Variants in DRG1 observed in about 807,000 individuals in gnomAD.
DRG1 encodes the protein developmentally regulated GTP binding protein 1, also known as developmentally-regulated GTP-binding protein 1.
Under a neutral mutation model 38.8 loss-of-function variants are expected in DRG1, and 19 were observed. The ratio of observed to expected loss-of-function variants is 0.49; its 90% CI spans 0.34 to 0.72. The LOEUF (loss-of-function observed/expected upper bound fraction) is 0.72, where lower values mean the gene tolerates loss of function less well. Ranked by LOEUF, DRG1 falls within the 30% of genes least tolerant of loss-of-function variation. The probability of loss-of-function intolerance (pLI) is 0.01; values close to 1 mark genes in which losing one functional copy is unlikely to be tolerated. For missense variants in DRG1, 299 were observed against 444.8 expected (o/e 0.67, Z 2.95); for synonymous variants, 167 against 157.5 (o/e 1.06, Z -0.45).
At chr22:31,399,847 C>T in intron 1 of DRG1, 122 bp downstream of exon 1, 1 of 1,452,176 alleles carries the variant, frequency 6.9e-7, no homozygotes, top group South Asian at 1.2e-5. Flanking sequence ...CTTCTCTCAG[C>T]GAGGCCCGTG....
At chr22:31,402,817 A>T (rs1405826540) in intron 2 of DRG1, among the ~76,000 whole-genome samples, 1 of 152,060 alleles carries the variant, frequency 6.6e-6, no homozygotes, top group Non-Finnish European at 1.5e-5. Flanking sequence ...ACTTTTTTGA[A>T]TACAGTTTTT....
rs755124454 is a variant in DRG1 at position 31,411,190 on chromosome 22, T to A, written c.412+109T>A. 222 of 1,147,716 alleles carry A rather than the reference T, an allele frequency of 1.9e-4. No individual in the cohort carries two copies. In the Middle Eastern group the frequency reaches 2.5e-3, roughly 13 times the overall value. 71.1% of individuals were successfully genotyped at this position (1,147,716 alleles called of 1,614,324 possible). A position where few individuals can be genotyped will look rare whatever the true frequency, so the allele number is the denominator to read the frequency against. ...GATTATACCACAGTGAAGGGCATAG[T>A]TTCACCTGACTTCTCATTTAAGTTG... On this transcript the variant is annotated intron_variant, in intron 4 of 8. Transcript: ENST00000331457.
Position 31,434,139 on chromosome 22 carries a change from G to A in DRG1, c.*168G>A. Reference sequence around the variant, plus strand: ...ATTTGTCTTACCTTGGTGTCACCTTGTATGTCGAACTGCATAAAAGATCTG... The same window carrying A: ...ATTTGTCTTACCTTGGTGTCACCTTATATGTCGAACTGCATAAAAGATCTG... On this transcript the variant is annotated 3_prime_UTR_variant, in exon 9 of 9. Transcript: ENST00000331457. 4 of 591,346 alleles carry A rather than the reference G, an allele frequency of 6.8e-6. No homozygotes were observed. The highest frequency in any genetic ancestry group is 5.8e-5 in the South Asian group (3 of 51,804). The allele number at this position is 591,346 out of a possible 1,614,324, so 36.6% of individuals were successfully genotyped here.
chr22:31,433,460 G>A (rs867540258), intron 8 of DRG1, among the ~76,000 whole-genome samples: 14 of 152,012 alleles, frequency 9.2e-5, no homozygotes, highest in African/African-American at 2.4e-4. Flanking sequence ...TAGTGGAGAC[G>A]GGGTTTCACC....
At chr22:31,402,372 TTTAA>T (rs1463462882) in intron 2 of DRG1, among the ~76,000 whole-genome samples, 2 of 152,144 alleles carry the variant, frequency 1.3e-5, no homozygotes, top group African/African-American at 2.4e-5. Flanking sequence ...CAAAACTCTT[TTTAA>T]TTAATTAATT....
At chr22:31,418,172 A>G (rs1461577890) in intron 4 of DRG1, among the ~76,000 whole-genome samples, 2 of 148,194 alleles carry the variant, frequency 1.3e-5, no homozygotes, top group East Asian at 4.1e-4. Flanking sequence ...GTCAGGTGCA[A>G]TGGCTCATAC....
intron 8 of DRG1, among the ~76,000 whole-genome samples, chr22:31,432,838 C>G (rs1031417876): frequency 1.3e-5 from 2 of 152,148 alleles, no homozygotes; most frequent in Non-Finnish European, 2.9e-5. Context: ...GAATTAGAGG[C>G]ATGAGCCACC....
chr22:31,426,574 C>T (rs1400549291), intron 6 of DRG1, 41 bp from the exon 7 acceptor site: 8 of 1,554,952 alleles, frequency 5.1e-6, no homozygotes, highest in Non-Finnish European at 6.1e-6. Flanking sequence ...GTTCTGTCAA[C>T]AACTCCAGAC....
At chr22:31,416,101 G>A (rs138380433) in intron 4 of DRG1, among the ~76,000 whole-genome samples, 30 of 152,136 alleles carry the variant, frequency 2.0e-4, no homozygotes, top group Middle Eastern at 6.8e-3. Context: ...TTGAGGCCAG[G>A]AGTTCCAGAC....
chr22:31,413,165 C>T (rs557013361), intron 4 of DRG1, among the ~76,000 whole-genome samples: 8 of 151,854 alleles, frequency 5.3e-5, no homozygotes, highest in African/African-American at 1.9e-4. Flanking sequence ...CCTGATTGTA[C>T]GTAGCTCACC....
In DRG1 at chr22:31,423,266, C is replaced by T. The variant is rs1393228225; in HGVS notation, c.583-14C>T. On this transcript the variant is annotated splice_polypyrimidine_tract_variant and intron_variant, in intron 5 of 8. Transcript: ENST00000331457. ...AAATTTTGTGCTGACTAGTCATCTG[C>T]TATTCCCTTTCAGTGCCCCCAGAGT... 1 of 1,613,516 alleles carries T rather than the reference C, an allele frequency of 6.2e-7. No individual in the cohort carries two copies. The highest frequency in any genetic ancestry group is 8.5e-7 in the Non-Finnish European group (1 of 1,179,950).
intron 3 of DRG1, among the ~76,000 whole-genome samples, chr22:31,409,952 G>A (rs1360354352): frequency 6.6e-6 from 1 of 152,034 alleles, no homozygotes. Context: ...CCGAGATCAC[G>A]CCACTGCATT....
chr22:31,405,211 C>A (rs577299164), intron 3 of DRG1, among the ~76,000 whole-genome samples: 1 of 151,682 alleles, frequency 6.6e-6, no homozygotes, highest in South Asian at 2.1e-4. Context: ...CTGTGTCACC[C>A]AGGCTGGAGT....
At chr22:31,426,813 A>G (rs1326451068) in intron 7 of DRG1, 31 bp downstream of exon 7, 2 of 1,606,666 alleles carry the variant, frequency 1.2e-6, no homozygotes, top group Non-Finnish European at 1.7e-6. Context: ...TAATGTTGCT[A>G]TAGGAATTAA....
At chr22:31,423,437 C>T (rs757163178) in intron 6 of DRG1, 27 bp downstream of exon 6, 2 of 1,612,996 alleles carry the variant, frequency 1.2e-6, no homozygotes. Flanking sequence ...CAGTCTGTGC[C>T]TGACTGAATT....
chr22:31,405,351 A>G lies in DRG1; in HGVS notation c.342+2147A>G, dbSNP rs140106541. Among the ~76,000 whole-genome samples, 867 of 151,990 alleles carry G rather than the reference A, an allele frequency of 5.7e-3. 11 individuals are homozygous for G. The highest frequency in any genetic ancestry group is 0.024 in the East Asian group (124 of 5,140). On this transcript the variant is annotated intron_variant, in intron 3 of 8. Coordinates refer to ENST00000331457, the MANE Select transcript of DRG1 (RefSeq NM_004147.4). ...CCTGGCTAATTTTTGTATTTTCAGT[A>G]GAGACTGGGTTTCACCATATTGGCC...
intron 8 of DRG1, among the ~76,000 whole-genome samples, chr22:31,432,290 T>C (rs1336560767): frequency 2.0e-5 from 3 of 152,052 alleles, no homozygotes; most frequent in Admixed American, 6.6e-5. Flanking sequence ...CTGCCCAGAC[T>C]GGTACAACTC....
At position 31,429,414 on chromosome 22, in the gene DRG1, G is replaced by A. The variant is rs538464191; in HGVS notation, c.1004+2232G>A. 8.6e-5 allele frequency among the ~76,000 whole-genome samples: 13 copies of A among 151,970 alleles called. No homozygotes were observed. In the East Asian group the frequency reaches 2.3e-3, roughly 27 times the overall value. Reference sequence around the variant, plus strand: ...ATTACACACAGGCATGAGCTACCACGCCTGGCCTAATGGTGATTCTTTATT... The same window carrying A: ...ATTACACACAGGCATGAGCTACCACACCTGGCCTAATGGTGATTCTTTATT... On this transcript the variant is annotated intron_variant, in intron 8 of 8. Coordinates refer to ENST00000331457, the MANE Select transcript of DRG1 (RefSeq NM_004147.4).
intron 6 of DRG1, among the ~76,000 whole-genome samples, chr22:31,424,765 G>A (rs572390128): frequency 6.6e-4 from 93 of 140,634 alleles, no homozygotes; most frequent in African/African-American, 2.4e-3. Context: ...CCAAAGTGCT[G>A]GGATTACAGG....
Sources: allele counts gnomAD v4.1 joint callset (sites outside exome capture counted in the v4.1 genomes callset), GRCh38; gene constraint gnomAD v4.1.1; transcripts MANE v1.5; gene names NCBI Gene and HGNC (gene_info 2026-07-23, HGNC 2026-07-21).